The following ANKRD22 variants were observed in gnomAD, a reference collection of about 807,000 sequenced individuals.
ANKRD22 encodes the protein ankyrin repeat domain 22.
In ANKRD22, 24 loss-of-function variants were observed where a neutral mutation model predicts 25.7. That is an observed-to-expected ratio of 0.93 (90% CI 0.68 to 1.31). The LOEUF (loss-of-function observed/expected upper bound fraction) is 1.31, where lower values mean the gene tolerates loss of function less well. Ranked by LOEUF, ANKRD22 falls within the 50% of genes most tolerant of loss-of-function variation. The probability of loss-of-function intolerance (pLI) is 0.00; values close to 1 mark genes in which losing one functional copy is unlikely to be tolerated. For missense variants in ANKRD22, 214 were observed against 227.1 expected (o/e 0.94, Z 0.37); for synonymous variants, 84 against 84.3 (o/e 1.00, Z 0.02).
intron 1 of ANKRD22, among the ~76,000 whole-genome samples, chr10:88,841,008 C>T (rs1564606521): frequency 6.6e-6 from 1 of 152,092 alleles, no homozygotes; most frequent in Admixed American, 6.6e-5. Flanking sequence ...TGAACGATAG[C>T]AGAAGGGGAA....
At chr10:88,828,518 A>G (rs369773798) in intron 3 of ANKRD22, 41 bp downstream of exon 3, 3 of 1,411,756 alleles carry the variant, frequency 2.1e-6, no homozygotes, top group Non-Finnish European at 3.0e-6. Flanking sequence ...CACACCATCG[A>G]TCTCCACATT....
At position 88,820,345 on chromosome 10, in the gene ANKRD22, G is replaced by A; in HGVS notation, c.*2596C>T. ...ACGTGAAAATGCTGCTCTCTGAGGTGACCAACCTCATCTACCATAAGAATA... is the reference window on the plus strand; with the variant it reads ...ACGTGAAAATGCTGCTCTCTGAGGTAACCAACCTCATCTACCATAAGAATA... On this transcript the variant is annotated 3_prime_UTR_variant, in exon 6 of 6. Transcript: ENST00000371930. 1 of 1,552,316 alleles carries A rather than the reference G, an allele frequency of 6.4e-7. No individual in the cohort carries two copies. The highest frequency in any genetic ancestry group is 8.7e-7 in the Non-Finnish European group (1 of 1,147,108).
chr10:88,840,912 G>A (rs1328409957), intron 1 of ANKRD22, among the ~76,000 whole-genome samples: 1 of 152,028 alleles, frequency 6.6e-6, no homozygotes, highest in Non-Finnish European at 1.5e-5. Flanking sequence ...TTTTTTAAAG[G>A]CTGTTCTAGG....
intron 1 of ANKRD22, among the ~76,000 whole-genome samples, chr10:88,838,076 A>C (rs1226088420): frequency 6.6e-6 from 1 of 152,224 alleles, no homozygotes; most frequent in Non-Finnish European, 1.5e-5. Context: ...GATGTGATTG[A>C]GACAAGGGTA....
intron 3 of ANKRD22, among the ~76,000 whole-genome samples, chr10:88,828,250 G>A (rs1431017465): frequency 6.6e-6 from 1 of 152,172 alleles, no homozygotes; most frequent in Non-Finnish European, 1.5e-5. Context: ...AAAAATATTA[G>A]AAGGGGTGTT....
At chr10:88,828,189 G>A (rs1589323005) in intron 3 of ANKRD22, among the ~76,000 whole-genome samples, 1 of 152,108 alleles carries the variant, frequency 6.6e-6, no homozygotes, top group East Asian at 1.9e-4. Context: ...AAATCAGTAA[G>A]TCAGAAAGAT....
At chr10:88,849,014 G>GCA (rs1426770603) in intron 1 of ANKRD22, among the ~76,000 whole-genome samples, 1 of 151,744 alleles carries the variant, frequency 6.6e-6, no homozygotes, top group East Asian at 1.9e-4. Flanking sequence ...GCATGTGTGT[G>GCA]TGTGTGTGTG....
intron 1 of ANKRD22, among the ~76,000 whole-genome samples, chr10:88,845,744 G>A (rs1261053472): frequency 6.6e-6 from 1 of 152,068 alleles, no homozygotes; most frequent in Non-Finnish European, 1.5e-5. Flanking sequence ...TACTGTAACA[G>A]CTTCCTTCCA....
At chr10:88,849,951 T>A (rs1278359692) in intron 1 of ANKRD22, among the ~76,000 whole-genome samples, 1 of 151,658 alleles carries the variant, frequency 6.6e-6, no homozygotes, top group African/African-American at 2.4e-5. Context: ...TAAGGAAAAA[T>A]GATAACCCTA....
intron 1 of ANKRD22, among the ~76,000 whole-genome samples, chr10:88,844,485 C>T (rs1844030441): frequency 6.6e-6 from 1 of 151,996 alleles, no homozygotes; most frequent in Non-Finnish European, 1.5e-5. Context: ...GTAAACGCCT[C>T]CCATTCTCAT....
chr10:88,847,857 G>A (rs1844066110), intron 1 of ANKRD22, among the ~76,000 whole-genome samples: 1 of 152,028 alleles, frequency 6.6e-6, no homozygotes, highest in South Asian at 2.1e-4. Flanking sequence ...ATCTGCTATA[G>A]GCTCATTCAT....
intron 3 of ANKRD22, among the ~76,000 whole-genome samples, chr10:88,827,326 C>T (rs1310238349): frequency 2.6e-5 from 4 of 152,158 alleles, no homozygotes; most frequent in Admixed American, 1.3e-4. Context: ...ATAAATTGCA[C>T]GTGCATGAAA....
intron 2 of ANKRD22, among the ~76,000 whole-genome samples, chr10:88,830,412 C>A (rs1465741013): frequency 6.6e-6 from 1 of 151,994 alleles, no homozygotes; most frequent in Non-Finnish European, 1.5e-5. Flanking sequence ...TCCAGCAGAG[C>A]TTTTTGTTTG....
chr10:88,846,265 C>T (rs1055369106), intron 1 of ANKRD22, among the ~76,000 whole-genome samples: 51 of 152,070 alleles, frequency 3.4e-4, no homozygotes, highest in Admixed American at 7.9e-4. Flanking sequence ...TTAGTTACTG[C>T]ATTACAAGCA....
chr10:88,845,290 T>A (rs1337170063), intron 1 of ANKRD22, among the ~76,000 whole-genome samples: 1 of 152,150 alleles, frequency 6.6e-6, no homozygotes, highest in African/African-American at 2.4e-5. Context: ...CTTCCTTCTC[T>A]GGCAAGACCA....
chr10:88,836,771 A>C (rs1325065239), intron 1 of ANKRD22, among the ~76,000 whole-genome samples: 2 of 152,226 alleles, frequency 1.3e-5, no homozygotes, highest in African/African-American at 4.8e-5. Flanking sequence ...ACCTAGAATC[A>C]GCAATATCCA....
chr10:88,848,579 T>G (rs921674265), intron 1 of ANKRD22, among the ~76,000 whole-genome samples: 11 of 152,128 alleles, frequency 7.2e-5, no homozygotes, highest in African/African-American at 2.7e-4. Context: ...TTTTCCCCAT[T>G]GTCTCTGCCT....
In ANKRD22 at chr10:88,824,418, T is replaced by C. The variant is rs1469459666; in HGVS notation, c.400-1040A>G. Among the ~76,000 whole-genome samples the C allele has an allele frequency of 5.3e-5, 8 of 152,330 alleles. No individual in the cohort carries two copies. The East Asian group carries it at 1.5e-3, about 29-fold the overall frequency. On this transcript the variant is annotated intron_variant, in intron 4 of 5. Coordinates refer to ENST00000371930, the MANE Select transcript of ANKRD22 (RefSeq NM_144590.3). ...CCTCTAAAATTATAGGAGATCATGT[T>C]GCAATTATTTATTTTTATTAAGTGG...
At chr10:88,837,290 T>C (rs913275099) in intron 1 of ANKRD22, among the ~76,000 whole-genome samples, 2 of 152,248 alleles carry the variant, frequency 1.3e-5, no homozygotes, top group Non-Finnish European at 2.9e-5. Context: ...TAAATGTAAC[T>C]GTGCAGATGA....
Sources: allele counts gnomAD v4.1 joint callset (sites outside exome capture counted in the v4.1 genomes callset), GRCh38; gene constraint gnomAD v4.1.1; transcripts MANE v1.5; gene names NCBI Gene and HGNC (gene_info 2026-07-23, HGNC 2026-07-21).